GRIA2: variants seen among roughly 807,000 people sequenced by gnomAD.
GRIA2 encodes the protein glutamate receptor 2.
Under a neutral mutation model 97.3 loss-of-function variants are expected in GRIA2, and 14 were observed. The observed-to-expected ratio is 0.14, with a 90% CI of 0.10 to 0.23. The LOEUF (loss-of-function observed/expected upper bound fraction) is 0.23. Ranked by LOEUF, GRIA2 falls within the 10% of genes least tolerant of loss-of-function variation. GRIA2 has a pLI of 1.00. For missense variants in GRIA2, 558 were observed against 1,069.8 expected, an observed-to-expected ratio of 0.52 and a Z score of 6.67; for synonymous variants, 412 against 387.8, an observed-to-expected ratio of 1.06 and a Z score of -0.73.
At chr4:157,295,631 C>CATAG (rs1192453705) in intron 2 of GRIA2, among the ~76,000 whole-genome samples, 4 of 151,976 alleles carry the variant, frequency 2.6e-5, no homozygotes, top group Non-Finnish European at 5.9e-5. Flanking sequence ...CCTTTCTGTC[C>CATAG]ATAGATAGGA....
intron 12 of GRIA2, among the ~76,000 whole-genome samples, chr4:157,348,413 A>T (rs572377695): frequency 6.6e-6 from 1 of 151,956 alleles, no homozygotes; most frequent in East Asian, 1.9e-4. Flanking sequence ...TAGTTTCTAA[A>T]TTTTTTGTAG....
At chr4:157,268,125 CA>C (rs984525218) in intron 2 of GRIA2, among the ~76,000 whole-genome samples, 2 of 151,828 alleles carry the variant, frequency 1.3e-5, no homozygotes, top group Admixed American at 1.3e-4. Flanking sequence ...CAAACAGATC[CA>C]AGGGGATTCA....
intron 3 of GRIA2, 93 bp downstream of exon 3, chr4:157,303,884 T>A (rs1733726287): frequency 1.5e-6 from 2 of 1,316,300 alleles, no homozygotes; most frequent in African/African-American, 2.9e-5. Flanking sequence ...AAAGGTGTGA[T>A]AAAGCCCAAG....
At chr4:157,329,087 G>A (rs1734934391) in intron 6 of GRIA2, among the ~76,000 whole-genome samples, 1 of 151,858 alleles carries the variant, frequency 6.6e-6, no homozygotes, top group African/African-American at 2.4e-5. Flanking sequence ...AGTTGAATTT[G>A]AAATTAAGAC....
Position 157,365,999 on chromosome 4 carries a change from A to G in GRIA2, c.*2568A>G, listed in dbSNP as rs543692048. 1 of 151,630 alleles carries G rather than the reference A, an allele frequency of 6.6e-6. No individual in the cohort carries two copies. The highest frequency in any genetic ancestry group is 2.4e-5 in the African/African-American group (1 of 41,508). 9.4% of individuals were successfully genotyped at this position (151,630 alleles called of 1,614,324 possible). On this transcript the variant is annotated 3_prime_UTR_variant, in exon 16 of 16. Coordinates refer to ENST00000264426, the MANE Select transcript of GRIA2 (RefSeq NM_001083619.3). ...AAAATGCTTTCGATTTTATTTTTAAATCTAACATCGGATGGCTTTTCCGGA... is the reference window on the plus strand; with the variant it reads ...AAAATGCTTTCGATTTTATTTTTAAGTCTAACATCGGATGGCTTTTCCGGA...
At chr4:157,327,556 A>C (rs1299135662) in intron 6 of GRIA2, among the ~76,000 whole-genome samples, 3 of 152,156 alleles carry the variant, frequency 2.0e-5, no homozygotes, top group Admixed American at 6.5e-5. Flanking sequence ...AAAATAATTT[A>C]TGAATATTTC....
chr4:157,364,100 T>A lies in GRIA2; in HGVS notation c.*669T>A, dbSNP rs1440645949. On this transcript the variant is annotated 3_prime_UTR_variant, in exon 16 of 16. Coordinates refer to ENST00000264426, the MANE Select transcript of GRIA2 (RefSeq NM_001083619.3). ...GAAGTGAATAAAAAAAGGCTTTAGG[T>A]ATCGATTCCATATTTTTCAAAGCCA... 6.6e-6 allele frequency: 1 copy of A among 152,534 alleles called. No homozygotes were observed. The highest frequency in any genetic ancestry group is 1.5e-5 in the Non-Finnish European group (1 of 68,006). The allele number at this position is 152,534 out of a possible 1,614,324, so 9.4% of individuals were successfully genotyped here. A position where few individuals can be genotyped will look rare whatever the true frequency, so the allele number is the denominator to read the frequency against.
chr4:157,224,043 T>C (rs1729632988), intron 2 of GRIA2, among the ~76,000 whole-genome samples: 2 of 152,160 alleles, frequency 1.3e-5, no homozygotes, highest in Non-Finnish European at 2.9e-5. Context: ...ATTTGCAGGG[T>C]GAACACATTC....
At chr4:157,320,806 A>G (rs1017510854) in intron 5 of GRIA2, among the ~76,000 whole-genome samples, 13 of 152,172 alleles carry the variant, frequency 8.5e-5, no homozygotes, top group Admixed American at 7.2e-4. Flanking sequence ...TGTCAGCACA[A>G]TATTTGAAAT....
At chr4:157,317,609 A>G (rs1318756501) in intron 4 of GRIA2, 49 bp from the exon 5 acceptor site, 1 of 728,226 alleles carries the variant, frequency 1.4e-6, no homozygotes, top group East Asian at 2.8e-5. Context: ...TTAATTTTAC[A>G]CTTGCATTAT....
chr4:157,254,219 G>C (rs1731141805), intron 2 of GRIA2, among the ~76,000 whole-genome samples: 1 of 151,830 alleles, frequency 6.6e-6, no homozygotes, highest in South Asian at 2.1e-4. Flanking sequence ...TAATTATCTG[G>C]AAAAAATAAC....
At chr4:157,255,890 C>T (rs1256630513) in intron 2 of GRIA2, among the ~76,000 whole-genome samples, 1 of 151,174 alleles carries the variant, frequency 6.6e-6, no homozygotes, top group African/African-American at 2.4e-5. Flanking sequence ...AAATGGCCAA[C>T]AAGCATATGA....
chr4:157,271,159 C>T lies in GRIA2; in HGVS notation c.230-32393C>T, dbSNP rs974301925. 5.3e-5 allele frequency among the ~76,000 whole-genome samples: 8 copies of T among 151,906 alleles called. No individual in the cohort carries two copies. In the South Asian group the frequency reaches 6.2e-4, roughly 12 times the overall value. On this transcript the variant is annotated intron_variant, in intron 2 of 15. Coordinates refer to ENST00000264426, the MANE Select transcript of GRIA2 (RefSeq NM_001083619.3). ...TTTTTTTACTCAACAACAATCAACTCGGAAGTCTTCTATGACCCTATATAT... is the reference window on the plus strand; with the variant it reads ...TTTTTTTACTCAACAACAATCAACTTGGAAGTCTTCTATGACCCTATATAT...
chr4:157,250,644 T>C (rs6851881), intron 2 of GRIA2, among the ~76,000 whole-genome samples: 53,179 of 151,776 alleles, frequency 0.35, 9,736 homozygotes, highest in African/African-American at 0.45. Context: ...TATAGAAACA[T>C]ATAAACACAT....
intron 3 of GRIA2, among the ~76,000 whole-genome samples, chr4:157,309,497 G>A (rs1274725578): frequency 6.6e-6 from 1 of 151,800 alleles, no homozygotes; most frequent in African/African-American, 2.4e-5. Flanking sequence ...GATTACAGGC[G>A]CCTGCCACCA....
At chr4:157,268,197 A>T (rs190716905) in intron 2 of GRIA2, among the ~76,000 whole-genome samples, 1 of 152,190 alleles carries the variant, frequency 6.6e-6, no homozygotes, top group African/African-American at 2.4e-5. Flanking sequence ...ATGTTTGGAA[A>T]ATGACTTCAT....
chr4:157,274,440 A>C (rs1171091563), intron 2 of GRIA2, among the ~76,000 whole-genome samples: 1 of 151,588 alleles, frequency 6.6e-6, no homozygotes, highest in Non-Finnish European at 1.5e-5. Context: ...ATATGTATAC[A>C]TGTGCCACGT....
Position 157,266,263 on chromosome 4 carries a change from T to C in GRIA2, c.230-37289T>C, listed in dbSNP as rs759044951. On this transcript the variant is annotated intron_variant, in intron 2 of 15. Transcript: ENST00000264426. ...AAGATCTGGGTTGGAGATGGAGAAC[T>C]GCATTGCATAACTGAAACTATGATT... Among the ~76,000 whole-genome samples the C allele has an allele frequency of 5.1e-4, 77 of 152,112 alleles. 1 individual carries two copies. Among genetic ancestry groups the C allele is most frequent in the Admixed American group, 4.6e-3 (70 of 15,250 alleles).
intron 12 of GRIA2, chr4:157,342,401 G>T: frequency 1.0e-6 from 1 of 984,132 alleles, no homozygotes; most frequent in Non-Finnish European, 1.2e-6. Flanking sequence ...GAGTGGGGGT[G>T]GTAGAACCAT....
Sources: allele counts gnomAD v4.1 joint callset (sites outside exome capture counted in the v4.1 genomes callset), GRCh38; gene constraint gnomAD v4.1.1; transcripts MANE v1.5; gene names NCBI Gene and HGNC (gene_info 2026-07-23, HGNC 2026-07-21).